Variants in NRDC observed in about 807,000 individuals in gnomAD.
NRDC encodes nardilysin convertase, also known as nardilysin.
NRDC carries 54 observed loss-of-function variants against 147.1 expected under a neutral mutation model. The ratio of observed to expected loss-of-function variants is 0.37; its 90% CI spans 0.29 to 0.46. The LOEUF (loss-of-function observed/expected upper bound fraction) is 0.46. Ranked by LOEUF, NRDC falls within the 20% of genes least tolerant of loss-of-function variation. The pLI is 1.00. For missense variants in NRDC, 1,082 were observed against 1,370.6 expected, an observed-to-expected ratio of 0.79 and a Z score of 3.33; for synonymous variants, 440 against 482.1, an observed-to-expected ratio of 0.91 and a Z score of 1.14.
At chr1:51,867,038 G>A (rs1216377387) in intron 1 of NRDC, among the ~76,000 whole-genome samples, 2 of 151,988 alleles carry the variant, frequency 1.3e-5, no homozygotes, top group Non-Finnish European at 2.9e-5. Flanking sequence ...ACAATGATGC[G>A]ATCATAGCTT....
At position 51,871,515 on chromosome 1, in the gene NRDC, T is replaced by TAAAAAAA. The variant is rs60495773; in HGVS notation, c.341+6753_341+6759dup. Reference sequence around the variant, plus strand: ...CAAGAATTCTCCTCCACTGGTTCATTAAAAAAAAAAAAAAAAAAAAAAAAA... The same window carrying TAAAAAAA: ...CAAGAATTCTCCTCCACTGGTTCATTAAAAAAAAAAAAAAAAAAAAAAAAAAAAAAAA... On this transcript the variant is annotated intron_variant, in intron 1 of 30. Coordinates refer to ENST00000352171, the MANE Select transcript of NRDC (RefSeq NM_001101662.2). Among the ~76,000 whole-genome samples the TAAAAAAA allele has an allele frequency of 6.2e-4, 13 of 21,018 alleles. 2 individuals are homozygous for TAAAAAAA. Among genetic ancestry groups the TAAAAAAA allele is most frequent in the South Asian group, 2.1e-3 (1 of 482 alleles). The allele number at this position is 21,018 out of a possible 152,430, so 13.8% of individuals were successfully genotyped here. A position where few individuals can be genotyped will look rare whatever the true frequency, so the allele number is the denominator to read the frequency against.
intron 6 of NRDC, among the ~76,000 whole-genome samples, chr1:51,824,188 C>T (rs1375384532): frequency 2.7e-5 from 4 of 149,808 alleles, no homozygotes; most frequent in South Asian, 2.1e-4. Flanking sequence ...TGCAATAGCA[C>T]GATCTTAGCT....
chr1:51,854,348 A>T (rs1423886137), intron 1 of NRDC, among the ~76,000 whole-genome samples: 1 of 152,192 alleles, frequency 6.6e-6, no homozygotes, highest in Non-Finnish European at 1.5e-5. Flanking sequence ...AGCCTGGGCG[A>T]CAGAGCAAGA....
At chr1:51,824,552 C>T (rs2149211201) in intron 6 of NRDC, among the ~76,000 whole-genome samples, 1 of 152,294 alleles carries the variant, frequency 6.6e-6, no homozygotes, top group African/African-American at 2.4e-5. Flanking sequence ...CTAAATTTTA[C>T]TCTATAGTCA....
intron 5 of NRDC, among the ~76,000 whole-genome samples, chr1:51,825,922 G>A (rs1280970189): frequency 6.6e-6 from 1 of 152,236 alleles, no homozygotes; most frequent in Non-Finnish European, 1.5e-5. Flanking sequence ...AGGGGCCAAT[G>A]AGAAATGATT....
At chr1:51,796,494 C>T (rs1239019534) in intron 22 of NRDC, among the ~76,000 whole-genome samples, 1 of 152,190 alleles carries the variant, frequency 6.6e-6, no homozygotes, top group Non-Finnish European at 1.5e-5. Context: ...CCTGCCTCAG[C>T]CTCCCAAAGT....
In NRDC at chr1:51,843,337, CCT is replaced by C. The variant is rs372466974; in HGVS notation, c.342-2825_342-2824del. 1.5e-3 allele frequency among the ~76,000 whole-genome samples: 231 copies of C among 151,940 alleles called. 2 individuals are homozygous for C. The highest frequency in any genetic ancestry group is 3.4e-3 in the Middle Eastern group (1 of 292). On this transcript the variant is annotated intron_variant, in intron 1 of 30. Coordinates refer to ENST00000352171, the MANE Select transcript of NRDC (RefSeq NM_001101662.2). ...AAAAAAAAAAAAAAAAAACCCAACCCCTGTTTACCGTGGAAGAACACAAGTTA... is the reference window on the plus strand; with the variant it reads ...AAAAAAAAAAAAAAAAAACCCAACCCGTTTACCGTGGAAGAACACAAGTTA...
chr1:51,851,343 T>G (rs1429015358), intron 1 of NRDC, among the ~76,000 whole-genome samples: 1 of 151,804 alleles, frequency 6.6e-6, no homozygotes, highest in Non-Finnish European at 1.5e-5. Context: ...AATCACAATT[T>G]GATTGTGATT....
At chr1:51,852,457 ATATAAC>A (rs147344576) in intron 1 of NRDC, among the ~76,000 whole-genome samples, 6,592 of 46,526 alleles carry the variant, frequency 0.14, 212 homozygotes, top group South Asian at 0.24. Context: ...ATATAAAATT[ATATAAC>A]TATAACTATA....
At chr1:51,861,836 C>T (rs563480115) in intron 1 of NRDC, among the ~76,000 whole-genome samples, 15 of 152,254 alleles carry the variant, frequency 9.9e-5, no homozygotes, top group African/African-American at 1.4e-4. Flanking sequence ...TTAGAACATT[C>T]GCCACACACA....
intron 3 of NRDC, 152 bp downstream of exon 3, chr1:51,835,979 G>T: frequency 1.5e-6 from 1 of 652,236 alleles, no homozygotes; most frequent in Non-Finnish European, 2.7e-6. Context: ...TTTCCCCCAC[G>T]ATATTCATAA....
chr1:51,866,331 A>T (rs1484110192), intron 1 of NRDC, among the ~76,000 whole-genome samples: 1 of 152,208 alleles, frequency 6.6e-6, no homozygotes, highest in African/African-American at 2.4e-5. Flanking sequence ...AAAAAGCACA[A>T]CCCATTAGAA....
chr1:51,858,441 T>C (rs1275584249), intron 1 of NRDC, among the ~76,000 whole-genome samples: 1 of 151,386 alleles, frequency 6.6e-6, no homozygotes, highest in Admixed American at 6.6e-5. Context: ...GACTGTGCCT[T>C]TGTGATTACA....
chr1:51,831,042 T>C (rs997665643), intron 4 of NRDC, among the ~76,000 whole-genome samples: 1 of 152,222 alleles, frequency 6.6e-6, no homozygotes, highest in East Asian at 1.9e-4. Context: ...ATGGCATAAA[T>C]TTATGATTTG....
intron 1 of NRDC, among the ~76,000 whole-genome samples, chr1:51,859,042 G>C (rs1311198639): frequency 6.6e-6 from 1 of 152,124 alleles, no homozygotes; most frequent in Non-Finnish European, 1.5e-5. Context: ...TAAAGTCTTA[G>C]GTTGTGCTTT....
chr1:51,858,155 T>C (rs1462683274), intron 1 of NRDC, among the ~76,000 whole-genome samples: 1 of 152,168 alleles, frequency 6.6e-6, no homozygotes, highest in Non-Finnish European at 1.5e-5. Context: ...AACATTTCAA[T>C]ATTTTTATTG....
Position 51,790,541 on chromosome 1 carries a change from CAAGGCGGTCAAA to C in NRDC, c.3148_3159del (p.Phe1050_Leu1053del). ...TCTGAAAACCATGTTACCTCGTGGGCAAGGCGGTCAAAGAGGTACTGCTGTGTAACCACTTCA... is the reference window on the plus strand; with the variant it reads ...TCTGAAAACCATGTTACCTCGTGGGCGAGGTACTGCTGTGTAACCACTTCA... On this transcript the variant is annotated inframe_deletion, in exon 29 of 31. Transcript: ENST00000352171. The C allele has an allele frequency of 6.2e-7, 1 of 1,610,612 alleles. No homozygotes were observed. The highest frequency in any genetic ancestry group is 8.5e-7 in the Non-Finnish European group (1 of 1,176,860).
intron 9 of NRDC, 34 bp from the exon 10 acceptor site, chr1:51,818,169 A>G: frequency 7.0e-7 from 1 of 1,433,458 alleles, no homozygotes; most frequent in Non-Finnish European, 9.6e-7. Context: ...GAACAGATGT[A>G]AGTGTTTCTC....
intron 11 of NRDC, among the ~76,000 whole-genome samples, chr1:51,815,313 C>T (rs1359407585): frequency 2.6e-5 from 4 of 151,846 alleles, no homozygotes; most frequent in African/African-American, 4.8e-5. Context: ...TGAGCCACCG[C>T]GCCTGGCCTC....
Sources: allele counts gnomAD v4.1 joint callset (sites outside exome capture counted in the v4.1 genomes callset), GRCh38; gene constraint gnomAD v4.1.1; transcripts MANE v1.5; gene names NCBI Gene and HGNC (gene_info 2026-07-23, HGNC 2026-07-21).